MB21D2: variants seen among roughly 807,000 people sequenced by gnomAD.
MB21D2 encodes Mab-21 domain containing 2, also known as nucleotidyltransferase MB21D2.
A neutral mutation model predicts 33.3 loss-of-function variants in MB21D2; 9 were observed. The observed-to-expected ratio is 0.27, with a 90% confidence interval of 0.16 to 0.47. The LOEUF is 0.47. MB21D2 is among the 20% of genes least tolerant of loss of function. The probability of loss-of-function intolerance (pLI) is 0.99; values close to 1 mark genes in which losing one functional copy is unlikely to be tolerated. For synonymous variants in MB21D2, 241 were observed against 236.3 expected, an observed-to-expected ratio of 1.02 and a Z score of -0.18; for missense variants, 540 against 624.6, an observed-to-expected ratio of 0.86 and a Z score of 1.44.
At chr3:192,814,245 C>T (rs558264562) in intron 1 of MB21D2, among the ~76,000 whole-genome samples, 3 of 152,138 alleles carry the variant, frequency 2.0e-5, no homozygotes, top group South Asian at 2.1e-4. Context: ...CTACACCCAT[C>T]CCTGTAATTT....
chr3:192,881,307 A>G (rs1713560806), intron 1 of MB21D2, among the ~76,000 whole-genome samples: 1 of 152,088 alleles, frequency 6.6e-6, no homozygotes, highest in African/African-American at 2.4e-5. Context: ...CTTGGACCCA[A>G]CAGTGAATCA....
intron 1 of MB21D2, among the ~76,000 whole-genome samples, chr3:192,801,037 T>A (rs534179321): frequency 8.1e-4 from 123 of 152,356 alleles, no homozygotes; most frequent in Middle Eastern, 3.4e-3. Context: ...GTGGGTCCTT[T>A]TGAGAACCAT....
chr3:192,862,254 T>A (rs1310955750), intron 1 of MB21D2, among the ~76,000 whole-genome samples: 1 of 152,152 alleles, frequency 6.6e-6, no homozygotes, highest in Non-Finnish European at 1.5e-5. Flanking sequence ...AACTATAGAC[T>A]GGATGATGAT....
At chr3:192,917,603 A>G (rs1439875433) in intron 1 of MB21D2, 27 bp downstream of exon 1, 1 of 1,611,390 alleles carries the variant, frequency 6.2e-7, no homozygotes, top group East Asian at 2.2e-5. Context: ...ACACACGCAC[A>G]CACACCTCCC....
intron 1 of MB21D2, among the ~76,000 whole-genome samples, chr3:192,814,305 A>G (rs1431462343): frequency 7.0e-6 from 1 of 143,588 alleles, no homozygotes; most frequent in African/African-American, 2.8e-5. Flanking sequence ...AACAGACATG[A>G]AAAAAAAAAT....
chr3:192,892,702 C>T (rs1713877397), intron 1 of MB21D2, among the ~76,000 whole-genome samples: 1 of 152,122 alleles, frequency 6.6e-6, no homozygotes, highest in Non-Finnish European at 1.5e-5. Flanking sequence ...CTCGGCCTCC[C>T]AAAGTGCTGG....
chr3:192,834,421 CA>C (rs35712980), intron 1 of MB21D2, among the ~76,000 whole-genome samples: 5,531 of 127,046 alleles, frequency 0.044, 164 homozygotes, highest in African/African-American at 0.078. Context: ...CCAGTTATAT[CA>C]AAAAAAAAAA....
chr3:192,831,684 G>A (rs570760609), intron 1 of MB21D2, among the ~76,000 whole-genome samples: 4 of 152,086 alleles, frequency 2.6e-5, no homozygotes, highest in African/African-American at 7.2e-5. Flanking sequence ...TCAGACAATC[G>A]ATTCTAAGGT....
Position 192,832,563 on chromosome 3 carries a change from G to C in MB21D2, c.212-32913C>G, listed in dbSNP as rs183758487. On this transcript the variant is annotated intron_variant, in intron 1 of 1. Transcript: ENST00000392452. ...TCCCAGCACCTTGAGAGGCTGAGGC[G>C]GGCGGATCACGAGGTCAAGAGATTG... 9.7e-3 allele frequency among the ~76,000 whole-genome samples: 1,472 copies of C among 152,308 alleles called. 32 individuals are homozygous for C. Among genetic ancestry groups the C allele is most frequent in the African/African-American group, 0.034 (1,405 of 41,550 alleles).
chr3:192,900,379 A>C (rs1714069908), intron 1 of MB21D2, among the ~76,000 whole-genome samples: 1 of 152,058 alleles, frequency 6.6e-6, no homozygotes. Flanking sequence ...TCCTTTACAC[A>C]GGGATGGAGA....
At chr3:192,812,717 T>C (rs1199136337) in intron 1 of MB21D2, among the ~76,000 whole-genome samples, 2 of 152,184 alleles carry the variant, frequency 1.3e-5, no homozygotes, top group Non-Finnish European at 2.9e-5. Flanking sequence ...TTGAGGATAA[T>C]TTAGCTCTAG....
At chr3:192,913,354 T>C (rs1025320404) in intron 1 of MB21D2, among the ~76,000 whole-genome samples, 12 of 152,174 alleles carry the variant, frequency 7.9e-5, no homozygotes, top group South Asian at 2.1e-4. Flanking sequence ...GCTGAGACTG[T>C]ACCACTGCAC....
At chr3:192,897,856 C>A (rs950482346) in intron 1 of MB21D2, among the ~76,000 whole-genome samples, 4 of 152,024 alleles carry the variant, frequency 2.6e-5, no homozygotes, top group Admixed American at 2.6e-4. Context: ...GCTGAGAGGG[C>A]ATGTAGTCCC....
intron 1 of MB21D2, among the ~76,000 whole-genome samples, chr3:192,849,111 C>T (rs1015477258): frequency 6.6e-6 from 1 of 152,122 alleles, no homozygotes; most frequent in Non-Finnish European, 1.5e-5. Flanking sequence ...AAATGGCTGG[C>T]ATTCCACTAT....
At chr3:192,803,902 C>CA (rs1483082626) in intron 1 of MB21D2, among the ~76,000 whole-genome samples, 2 of 151,742 alleles carry the variant, frequency 1.3e-5, no homozygotes, top group Non-Finnish European at 2.9e-5. Flanking sequence ...TTGTTAGCAG[C>CA]AAAACAAAAA....
chr3:192,879,348 T>C (rs1713509771), intron 1 of MB21D2, among the ~76,000 whole-genome samples: 1 of 151,934 alleles, frequency 6.6e-6, no homozygotes, highest in Non-Finnish European at 1.5e-5. Flanking sequence ...AAGTGAAGAG[T>C]GAAGGTCTCC....
intron 1 of MB21D2, among the ~76,000 whole-genome samples, chr3:192,809,524 T>C (rs1481272871): frequency 1.3e-5 from 2 of 152,180 alleles, no homozygotes; most frequent in African/African-American, 4.8e-5. Context: ...TTAAATGGGC[T>C]TTCCTAGGAG....
At chr3:192,892,183 C>A (rs558553547) in intron 1 of MB21D2, among the ~76,000 whole-genome samples, 2 of 152,314 alleles carry the variant, frequency 1.3e-5, no homozygotes, top group South Asian at 2.1e-4. Flanking sequence ...ACATAACAAC[C>A]CCCACTGCCC....
At position 192,873,009 on chromosome 3, in the gene MB21D2, A is replaced by ACC. The variant is rs780328953; in HGVS notation, c.211+44619_211+44620dup. On this transcript the variant is annotated intron_variant, in intron 1 of 1. Coordinates refer to ENST00000392452, the MANE Select transcript of MB21D2 (RefSeq NM_178496.4). ...CATAAAATTCACAAGTTTAGAAGAC[A>ACC]CCCCCCCCCACCAAGCAAGCAACTC... Among the ~76,000 whole-genome samples the ACC allele has an allele frequency of 6.8e-3, 966 of 141,892 alleles. 18 individuals are homozygous for ACC. Among genetic ancestry groups the ACC allele is most frequent in the African/African-American group, 0.025 (925 of 37,672 alleles). The allele number at this position is 141,892 out of a possible 152,430, so 93.1% of individuals were successfully genotyped here.
Sources: gnomAD v4.1 joint callset for allele counts (sites outside exome capture counted in the v4.1 genomes callset) on GRCh38, gnomAD v4.1.1 for gene constraint, MANE v1.5 for transcripts, NCBI Gene and HGNC (gene_info 2026-07-23, HGNC 2026-07-21) for gene names.